The following ANO6 variants were observed in gnomAD, a reference collection of about 807,000 sequenced individuals.
ANO6 encodes the protein anoctamin-6.
ANO6 carries 106 observed loss-of-function variants against 117.5 expected under a neutral mutation model. That is an observed-to-expected ratio of 0.90 (90% CI 0.77 to 1.06). ANO6 has a LOEUF of 1.06. Ranked by LOEUF, ANO6 falls within the 50% of genes least tolerant of loss-of-function variation. ANO6 has a pLI of 0.00. For missense variants in ANO6, 955 were observed against 1,121.1 expected, an observed-to-expected ratio of 0.85 and a Z score of 2.12; for synonymous variants, 367 against 385.1, an observed-to-expected ratio of 0.95 and a Z score of 0.55.
chr12:45,399,340 C>T (rs1373632067), intron 12 of ANO6, among the ~76,000 whole-genome samples: 2 of 152,138 alleles, frequency 1.3e-5, no homozygotes, highest in African/African-American at 4.8e-5. Flanking sequence ...GGATTACAGG[C>T]ACCTGCCACC....
In ANO6 at chr12:45,216,408, C is replaced by T. The variant is rs1271122755; in HGVS notation, c.70+17C>T. On this transcript the variant is annotated intron_variant, in intron 1 of 19. Transcript: ENST00000320560. ...GGGATATCGGTGAGCGAGGGGTCCC[C>T]GCGTCCCCACCCGAGAGCCCGAGCC... is the stretch of plus-strand genomic sequence containing the variant. 2 of 1,607,458 alleles carry T rather than the reference C, an allele frequency of 1.2e-6. No homozygotes were observed. Among genetic ancestry groups the T allele is most frequent in the Non-Finnish European group, 1.7e-6 (2 of 1,177,554 alleles).
intron 1 of ANO6, among the ~76,000 whole-genome samples, chr12:45,299,988 T>C (rs1183844322): frequency 6.6e-6 from 1 of 152,216 alleles, no homozygotes; most frequent in Non-Finnish European, 1.5e-5. Context: ...AACAATCACA[T>C]AGAGATCTCT....
intron 1 of ANO6, among the ~76,000 whole-genome samples, chr12:45,295,899 C>T (rs1939278468): frequency 1.3e-5 from 2 of 151,906 alleles, no homozygotes; most frequent in African/African-American, 4.8e-5. Flanking sequence ...GTCTCTGTCA[C>T]TCAGGAAGCT....
chr12:45,398,433 A>G (rs1942689282), intron 12 of ANO6, among the ~76,000 whole-genome samples: 1 of 152,230 alleles, frequency 6.6e-6, no homozygotes, highest in Admixed American at 6.5e-5. Flanking sequence ...GTAATTCTGC[A>G]CTGCTCCAGC....
intron 1 of ANO6, among the ~76,000 whole-genome samples, chr12:45,239,469 T>C (rs1268564141): frequency 1.3e-5 from 2 of 151,858 alleles, no homozygotes; most frequent in African/African-American, 4.8e-5. Flanking sequence ...CTATCAATTT[T>C]GTTGATCTTT....
intron 1 of ANO6, among the ~76,000 whole-genome samples, chr12:45,256,234 G>A (rs1440762255): frequency 6.6e-6 from 1 of 152,140 alleles, no homozygotes; most frequent in African/African-American, 2.4e-5. Flanking sequence ...TGGCAGAGAT[G>A]ACCAAATATG....
chr12:45,235,779 G>A (rs1214109122), intron 1 of ANO6, among the ~76,000 whole-genome samples: 1 of 152,168 alleles, frequency 6.6e-6, no homozygotes, highest in Non-Finnish European at 1.5e-5. Context: ...ACTACTCCTG[G>A]CTTTTTCCTT....
At chr12:45,351,277 G>A (rs552243656) in intron 7 of ANO6, among the ~76,000 whole-genome samples, 2 of 152,298 alleles carry the variant, frequency 1.3e-5, no homozygotes, top group Admixed American at 6.5e-5. Context: ...GTTAGATGTA[G>A]TTTCTATTGT....
chr12:45,439,528 A>G (rs1943746230), intron 19 of ANO6: 2 of 629,662 alleles, frequency 3.2e-6, no homozygotes, highest in Admixed American at 7.6e-5. Flanking sequence ...CTGTCTGGAC[A>G]TGAGGGCATT....
intron 9 of ANO6, among the ~76,000 whole-genome samples, chr12:45,368,632 T>C (rs1044505109): frequency 6.6e-6 from 1 of 152,174 alleles, no homozygotes; most frequent in Admixed American, 6.5e-5. Flanking sequence ...TCTGGACAGA[T>C]AGATGGTCAG....
intron 11 of ANO6, 21 bp downstream of exon 11, chr12:45,388,324 G>T (rs1942355352): frequency 6.2e-7 from 1 of 1,613,470 alleles, no homozygotes; most frequent in Non-Finnish European, 8.5e-7. Context: ...TCGTATTTAG[G>T]TGCAGTTTAA....
intron 10 of ANO6, among the ~76,000 whole-genome samples, chr12:45,384,791 C>G (rs7305478): frequency 0.032 from 4,919 of 152,188 alleles, 245 homozygotes; most frequent in African/African-American, 0.11. Context: ...TAAAATGTGA[C>G]ACAAAGTGGG....
intron 1 of ANO6, among the ~76,000 whole-genome samples, chr12:45,274,236 G>A (rs1938477583): frequency 1.3e-5 from 2 of 152,060 alleles, no homozygotes; most frequent in African/African-American, 4.8e-5. Flanking sequence ...ACATACTTAT[G>A]TCCACTCCTT....
Position 45,326,021 on chromosome 12 carries a change from C to T in ANO6, c.151-5274C>T, listed in dbSNP as rs150037764. ...AAGAATACTGAAAATCCTATGAGAACTCCATTTGATAAAAGTACTGCTTCC... is the reference window on the plus strand; with the variant it reads ...AAGAATACTGAAAATCCTATGAGAATTCCATTTGATAAAAGTACTGCTTCC... On this transcript the variant is annotated intron_variant, in intron 2 of 19. Transcript: ENST00000320560. Among the ~76,000 whole-genome samples the T allele has an allele frequency of 3.7e-4, 56 of 152,310 alleles. No individual in the cohort carries two copies. The South Asian group carries it at 9.9e-3, about 27-fold the overall frequency.
At chr12:45,336,317 A>G (rs1440382180) in intron 3 of ANO6, among the ~76,000 whole-genome samples, 3 of 152,056 alleles carry the variant, frequency 2.0e-5, no homozygotes, top group Non-Finnish European at 4.4e-5. Context: ...TAGTATTATA[A>G]CTGATAGTAT....
intron 1 of ANO6, among the ~76,000 whole-genome samples, chr12:45,237,193 G>GTAGTTTCTTTCACT (rs1308358443): frequency 6.6e-6 from 1 of 152,118 alleles, no homozygotes; most frequent in East Asian, 1.9e-4. Context: ...CACTCTGATG[G>GTAGTTTCTTTCACT]TAGTTTCTTT....
At chr12:45,325,356 C>T (rs181955593) in intron 2 of ANO6, among the ~76,000 whole-genome samples, 1 of 152,290 alleles carries the variant, frequency 6.6e-6, no homozygotes, top group Admixed American at 6.5e-5. Flanking sequence ...GTCAAAAAAG[C>T]TTGAAGTAAG....
chr12:45,395,695 A>G (rs1942592336), intron 12 of ANO6, among the ~76,000 whole-genome samples: 1 of 152,214 alleles, frequency 6.6e-6, no homozygotes, highest in Non-Finnish European at 1.5e-5. Flanking sequence ...ACATATGCAA[A>G]TCAATAAACG....
At chr12:45,345,570 C>A (rs1261418422) in intron 3 of ANO6, among the ~76,000 whole-genome samples, 2 of 152,150 alleles carry the variant, frequency 1.3e-5, no homozygotes, top group East Asian at 3.9e-4. Context: ...AAGGCTTGCC[C>A]CAAGTTACCT....
Sources: gnomAD v4.1 joint callset for allele counts (sites outside exome capture counted in the v4.1 genomes callset) on GRCh38, gnomAD v4.1.1 for gene constraint, MANE v1.5 for transcripts, NCBI Gene and HGNC (gene_info 2026-07-23, HGNC 2026-07-21) for gene names.